The following FILIP1L variants were observed in gnomAD, a reference collection of about 807,000 sequenced individuals.
FILIP1L encodes the protein filamin A-interacting protein 1-like.
In FILIP1L, 55 loss-of-function variants were observed where a neutral mutation model predicts 96.6. That is an observed-to-expected ratio of 0.57 (90% CI 0.46 to 0.71). The LOEUF (loss-of-function observed/expected upper bound fraction) is 0.71, where lower values mean the gene tolerates loss of function less well. Ranked by LOEUF, FILIP1L falls within the 30% of genes least tolerant of loss-of-function variation. FILIP1L has a pLI of 0.00. For synonymous variants in FILIP1L, 467 were observed against 473.9 expected (o/e 0.99, Z 0.19); for missense variants, 1,304 against 1,321.2 (o/e 0.99, Z 0.20).
intron 1 of FILIP1L, among the ~76,000 whole-genome samples, chr3:100,099,413 A>T (rs780739541): frequency 1.3e-5 from 2 of 152,212 alleles, no homozygotes; most frequent in Non-Finnish European, 2.9e-5. Flanking sequence ...AGATTTTATA[A>T]GAAACAAGTA....
chr3:99,957,505 G>C (rs531257705), intron 1 of FILIP1L, among the ~76,000 whole-genome samples: 1 of 151,832 alleles, frequency 6.6e-6, no homozygotes, highest in Non-Finnish European at 1.5e-5. Context: ...TTTCTGTGTG[G>C]TAATATCATC....
At chr3:99,925,792 A>T in intron 3 of FILIP1L, 1 of 934,916 alleles carries the variant, frequency 1.1e-6, no homozygotes, top group Non-Finnish European at 1.3e-6. Context: ...AGAACCAGGC[A>T]GTAAAGAACA....
chr3:99,850,724 T>G lies in FILIP1L; in HGVS notation c.952A>C (p.Ser318Arg), dbSNP rs755320859. The G allele has an allele frequency of 3.1e-6, 5 of 1,614,232 alleles. No individual in the cohort carries two copies. The highest frequency in any genetic ancestry group is 3.4e-6 in the Non-Finnish European group (4 of 1,180,036). ...TIMAKLTNED[S>R]QNRQLQQKLA... ...TTTTGTTGAAGCTGGCGATTTTGAC[T>G]GTCCTCATTGGTGAGCTTCGCCATA... The change falls in exon 5 of 6, where the codon AGT becomes CGT. Residue 318 changes from serine (S) to arginine (R), a missense_variant. By Grantham distance (110) the Ser-to-Arg change is moderately radical. Coordinates refer to ENST00000477258, the MANE Select transcript of FILIP1L (RefSeq NM_001387850.1).
In FILIP1L at chr3:99,850,283, A is replaced by G; in HGVS notation, c.1393T>C (p.Leu465=). The G allele has an allele frequency of 4.3e-6, 7 of 1,613,756 alleles. No individual in the cohort carries two copies. In the Admixed American group the frequency reaches 1.0e-4, roughly 23 times the overall value. Reference sequence around the variant, plus strand: ...TCTAGCTCTTTGATCCTTACTTTTAAACTCTCCAGTTCTTGAGACAACTGC... The same window carrying G: ...TCTAGCTCTTTGATCCTTACTTTTAGACTCTCCAGTTCTTGAGACAACTGC... ...TKQLSQELES[L]KVRIKELEAI... is the part of the protein sequence containing the mutation. The change falls in exon 5 of 6, where the codon TTA becomes CTA. Residue 465 remains leucine, a synonymous_variant. Transcript: ENST00000477258.
At chr3:100,084,192 C>T (rs751612885) in intron 1 of FILIP1L, among the ~76,000 whole-genome samples, 28 of 152,208 alleles carry the variant, frequency 1.8e-4, no homozygotes, top group Admixed American at 4.6e-4. Flanking sequence ...GCAAAAGCTC[C>T]GTATTGTTAT....
At chr3:99,911,825 A>AC (rs1706798259) in intron 4 of FILIP1L, among the ~76,000 whole-genome samples, 1 of 151,226 alleles carries the variant, frequency 6.6e-6, no homozygotes, top group Non-Finnish European at 1.5e-5. Flanking sequence ...CTTCTTCATT[A>AC]TTTTTTTTTC....
At position 99,911,440 on chromosome 3, in the gene FILIP1L, C is replaced by A. The variant is rs16841824; in HGVS notation, c.605+12790G>T. Among the ~76,000 whole-genome samples the A allele has an allele frequency of 5.0e-3, 764 of 152,006 alleles. 6 individuals carry two copies. The highest frequency in any genetic ancestry group is 0.017 in the African/African-American group (721 of 41,474). ...CCTGTATACACTCTAGGTTCTCTAA[C>A]AACTTGCCAGTGGTGGGTTGAGATT... On this transcript the variant is annotated intron_variant, in intron 4 of 5. Transcript: ENST00000477258.
At chr3:99,838,910 T>C (rs1029316374) in intron 5 of FILIP1L, among the ~76,000 whole-genome samples, 1 of 152,220 alleles carries the variant, frequency 6.6e-6, no homozygotes, top group African/African-American at 2.4e-5. Flanking sequence ...GACTCCCTAG[T>C]GCTGTATTCA....
chr3:99,876,827 G>A (rs1449307831), intron 4 of FILIP1L, among the ~76,000 whole-genome samples: 1 of 152,086 alleles, frequency 6.6e-6, no homozygotes, highest in Non-Finnish European at 1.5e-5. Context: ...GCATGCCTGT[G>A]TTTTAACGAA....
intron 1 of FILIP1L, among the ~76,000 whole-genome samples, chr3:100,048,565 G>C (rs9851645): frequency 0.18 from 27,575 of 152,182 alleles, 2,897 homozygotes; most frequent in South Asian, 0.25. Flanking sequence ...CACAGTGTCA[G>C]GGGAGAAACT....
At chr3:99,934,708 A>T (rs1279015142) in intron 1 of FILIP1L, among the ~76,000 whole-genome samples, 1 of 152,240 alleles carries the variant, frequency 6.6e-6, no homozygotes. Context: ...GGAGCTCTGT[A>T]TACATTCTAG....
rs6805703 is a variant in FILIP1L at position 99,853,200 on chromosome 3, A to G, written c.606-2130T>C. On this transcript the variant is annotated intron_variant, in intron 4 of 5. Transcript: ENST00000477258. ...ACTGCTTTGGTGGTGAAATAGTTAA[A>G]AAAAACTTTGGCAAAGTGCTTCTTT... 4.5e-3 allele frequency among the ~76,000 whole-genome samples: 683 copies of G among 152,316 alleles called. 7 individuals carry two copies. Among genetic ancestry groups the G allele is most frequent in the African/African-American group, 0.016 (669 of 41,562 alleles).
chr3:100,101,875 G>GT (rs1456203359), intron 1 of FILIP1L, among the ~76,000 whole-genome samples: 2 of 151,924 alleles, frequency 1.3e-5, no homozygotes, highest in Admixed American at 6.6e-5. Context: ...GCAGTGTTTG[G>GT]TTTTTTGTCC....
intron 1 of FILIP1L, among the ~76,000 whole-genome samples, chr3:99,999,543 G>A (rs904589508): frequency 6.6e-6 from 1 of 152,190 alleles, no homozygotes. Context: ...TCCTTACACT[G>A]TATAAGCTAA....
At chr3:99,983,020 G>C (rs898444406) in intron 1 of FILIP1L, among the ~76,000 whole-genome samples, 1 of 152,000 alleles carries the variant, frequency 6.6e-6, no homozygotes, top group African/African-American at 2.4e-5. Context: ...TACCCACTGT[G>C]TGAATATGAG....
chr3:99,872,125 C>T (rs1944819719), intron 4 of FILIP1L, among the ~76,000 whole-genome samples: 1 of 152,092 alleles, frequency 6.6e-6, no homozygotes, highest in Non-Finnish European at 1.5e-5. Context: ...ATGCAGGGGG[C>T]CCTGGCCCTA....
intron 1 of FILIP1L, among the ~76,000 whole-genome samples, chr3:100,083,544 C>T (rs2065962799): frequency 6.6e-6 from 1 of 152,202 alleles, no homozygotes; most frequent in African/African-American, 2.4e-5. Context: ...ATTTTCCCGT[C>T]TTGTCTCTGA....
intron 1 of FILIP1L, among the ~76,000 whole-genome samples, chr3:99,983,420 G>GTATA (rs1384205958): frequency 1.7e-5 from 1 of 59,360 alleles, no homozygotes; most frequent in Admixed American, 2.0e-4. Flanking sequence ...ATATATATAT[G>GTATA]TATGTATGTA....
chr3:99,956,888 C>T (rs916467296), intron 1 of FILIP1L, among the ~76,000 whole-genome samples: 7 of 152,110 alleles, frequency 4.6e-5, no homozygotes, highest in African/African-American at 1.2e-4. Context: ...TTCCCACCCC[C>T]GACTTACAGT....
Sources: allele counts gnomAD v4.1 joint callset (sites outside exome capture counted in the v4.1 genomes callset), GRCh38; gene constraint gnomAD v4.1.1; transcripts MANE v1.5; gene names NCBI Gene and HGNC (gene_info 2026-07-23, HGNC 2026-07-21).